DNAJC15: variants seen among roughly 807,000 people sequenced by gnomAD.
The protein encoded by DNAJC15 is dnaJ homolog subfamily C member 15.
In DNAJC15, 27 loss-of-function variants were observed where a neutral mutation model predicts 22.4. That is an observed-to-expected ratio of 1.20 (90% CI 0.89 to 1.66). DNAJC15 has a LOEUF of 1.66. Ranked by LOEUF, DNAJC15 falls within the 40% of genes most tolerant of loss-of-function variation. DNAJC15 has a pLI of 0.00. For synonymous variants in DNAJC15, 79 were observed against 63.2 expected (o/e 1.25, Z -1.19); for missense variants, 208 against 187.1 (o/e 1.11, Z -0.65).
At chr13:43,061,141 G>A (rs76102970) in intron 1 of DNAJC15, among the ~76,000 whole-genome samples, 2,208 of 152,288 alleles carry the variant, frequency 0.014, 56 homozygotes, top group African/African-American at 0.048. Context: ...ACTTAACATG[G>A]AAGAGGTTAT....
chr13:43,047,509 A>G (rs970226066), intron 1 of DNAJC15, among the ~76,000 whole-genome samples: 4 of 152,088 alleles, frequency 2.6e-5, no homozygotes, highest in Non-Finnish European at 4.4e-5. Context: ...AAGGACCAAC[A>G]TGGAATGTCT....
intron 5 of DNAJC15, among the ~76,000 whole-genome samples, chr13:43,100,760 G>T (rs1224249278): frequency 6.6e-6 from 1 of 152,170 alleles, no homozygotes; most frequent in Non-Finnish European, 1.5e-5. Flanking sequence ...GTAGTGTTCT[G>T]TAAATATGTG....
chr13:43,090,277 T>G (rs920112308), intron 5 of DNAJC15, among the ~76,000 whole-genome samples: 1 of 152,204 alleles, frequency 6.6e-6, no homozygotes, highest in African/African-American at 2.4e-5. Context: ...TGATGAAACA[T>G]TTACCTTGTT....
chr13:43,077,882 T>G (rs1404823455), intron 3 of DNAJC15, among the ~76,000 whole-genome samples: 2 of 152,248 alleles, frequency 1.3e-5, no homozygotes, highest in East Asian at 3.8e-4. Context: ...ACCGCCTTAG[T>G]TCATACCATC....
At chr13:43,104,194 C>T (rs1304718630) in intron 5 of DNAJC15, among the ~76,000 whole-genome samples, 1 of 152,114 alleles carries the variant, frequency 6.6e-6, no homozygotes, top group African/African-American at 2.4e-5. Context: ...TTGCCCCTTC[C>T]CATTGCCAAT....
chr13:43,085,076 G>GC (rs1202050387), intron 4 of DNAJC15, among the ~76,000 whole-genome samples: 1 of 152,244 alleles, frequency 6.6e-6, no homozygotes, highest in South Asian at 2.1e-4. Context: ...TTAAAATCCA[G>GC]CAGTGTGCCA....
At chr13:43,037,940 C>G (rs1296714714) in intron 1 of DNAJC15, among the ~76,000 whole-genome samples, 1 of 152,106 alleles carries the variant, frequency 6.6e-6, no homozygotes. Context: ...TTTTTTATAG[C>G]CTGCTTTTAT....
At chr13:43,049,979 A>G (rs1209433785) in intron 1 of DNAJC15, among the ~76,000 whole-genome samples, 1 of 152,170 alleles carries the variant, frequency 6.6e-6, no homozygotes, top group African/African-American at 2.4e-5. Context: ...GTGCAATGGC[A>G]TGATAATCGG....
chr13:43,085,941 G>A (rs2040686246), intron 5 of DNAJC15, 103 bp downstream of exon 5: 1 of 1,024,826 alleles, frequency 9.8e-7, no homozygotes, highest in South Asian at 1.6e-5. Context: ...GGAAGTTTGT[G>A]CGCCACATGT....
At position 43,107,205 on chromosome 13, in the gene DNAJC15, TA is replaced by T. The variant is rs1293362424; in HGVS notation, c.413del (p.Asn138MetfsTer7). On this transcript the variant is annotated frameshift_variant, in exon 6 of 6. Transcript: ENST00000379221. LOFTEE classifies it high-confidence loss of function. ...KGGSPYVAAKINEAKDLLETT... is the reference protein window; with the variant it reads ...KGGSPYVAAKXNEAKDLLETT... ...GGATCTCCTTACGTAGCAGCCAAAA[TA>T]AATGAAGCAAAAGACTTGCTAGAAA... 1.3e-6 allele frequency: 2 copies of T among 1,582,150 alleles called. No homozygotes were observed. The highest frequency in any genetic ancestry group is 1.7e-6 in the Non-Finnish European group (2 of 1,166,930).
chr13:43,030,398 C>G lies in DNAJC15; in HGVS notation c.108+6664C>G, dbSNP rs377289993. 2.0e-5 allele frequency among the ~76,000 whole-genome samples: 3 copies of G among 152,192 alleles called. No homozygotes were observed. In the East Asian group the frequency reaches 5.8e-4, roughly 29 times the overall value. Reference sequence around the variant, plus strand: ...TCTGCAGACCATATAGCATCTGGCACACATTTACCTGTGTAACAAACCTGC... The same window carrying G: ...TCTGCAGACCATATAGCATCTGGCAGACATTTACCTGTGTAACAAACCTGC... On this transcript the variant is annotated intron_variant, in intron 1 of 5. Coordinates refer to ENST00000379221, the MANE Select transcript of DNAJC15 (RefSeq NM_013238.3).
At chr13:43,074,088 C>A (rs937453109) in intron 3 of DNAJC15, among the ~76,000 whole-genome samples, 3 of 151,870 alleles carry the variant, frequency 2.0e-5, no homozygotes, top group Non-Finnish European at 4.4e-5. Context: ...CTAATTAAAT[C>A]ATCCTTTGTT....
intron 5 of DNAJC15, among the ~76,000 whole-genome samples, chr13:43,091,854 A>G (rs1474045580): frequency 6.6e-6 from 1 of 152,056 alleles, no homozygotes; most frequent in Non-Finnish European, 1.5e-5. Flanking sequence ...AGTTATCTCT[A>G]TAGTATTGAT....
intron 5 of DNAJC15, among the ~76,000 whole-genome samples, chr13:43,094,722 T>C (rs1338288173): frequency 1.3e-5 from 2 of 152,218 alleles, no homozygotes; most frequent in Non-Finnish European, 2.9e-5. Context: ...AACTTGCCTT[T>C]TTCAGTTGAG....
chr13:43,106,317 T>C (rs903832498), intron 5 of DNAJC15, among the ~76,000 whole-genome samples: 1 of 152,166 alleles, frequency 6.6e-6, no homozygotes, highest in East Asian at 1.9e-4. Flanking sequence ...AATGACAGTA[T>C]TGAGGACTAG....
At chr13:43,084,478 C>T (rs2040678062) in intron 4 of DNAJC15, among the ~76,000 whole-genome samples, 1 of 152,190 alleles carries the variant, frequency 6.6e-6, no homozygotes, top group African/African-American at 2.4e-5. Context: ...TTCTGACTAA[C>T]TGTAAAAGCA....
intron 1 of DNAJC15, among the ~76,000 whole-genome samples, chr13:43,037,263 A>C (rs1235232110): frequency 6.6e-6 from 1 of 152,236 alleles, no homozygotes; most frequent in Non-Finnish European, 1.5e-5. Context: ...GCAAAACTAC[A>C]AAATGTTGCA....
At chr13:43,024,896 A>G (rs74060448) in intron 1 of DNAJC15, among the ~76,000 whole-genome samples, 3 of 132,340 alleles carry the variant, frequency 2.3e-5, no homozygotes, top group African/African-American at 9.7e-5. Context: ...TCTCTGCTAA[A>G]AAAAAAAAAA....
At chr13:43,052,836 C>T (rs1452708908) in intron 1 of DNAJC15, among the ~76,000 whole-genome samples, 1 of 152,170 alleles carries the variant, frequency 6.6e-6, no homozygotes, top group East Asian at 1.9e-4. Context: ...TTCCCCTACT[C>T]TGTGGGTTGT....
Sources: gnomAD v4.1 joint callset for allele counts (sites outside exome capture counted in the v4.1 genomes callset) on GRCh38, gnomAD v4.1.1 for gene constraint, MANE v1.5 for transcripts, NCBI Gene and HGNC (gene_info 2026-07-23, HGNC 2026-07-21) for gene names.